ADCY9: variants seen among roughly 807,000 people sequenced by gnomAD.
The protein encoded by ADCY9 is adenylate cyclase type 9.
ADCY9 carries 50 observed loss-of-function variants against 101.5 expected under a neutral mutation model. That is an observed-to-expected ratio of 0.49 (90% CI 0.39 to 0.62). ADCY9 has a LOEUF of 0.62. Ranked by LOEUF, ADCY9 falls within the 20% of genes least tolerant of loss-of-function variation. The pLI, the probability that ADCY9 is intolerant of heterozygous loss-of-function variation, is 0.00. For synonymous variants in ADCY9, 905 were observed against 769.3 expected, an observed-to-expected ratio of 1.18 and a Z score of -2.92; for missense variants, 1,662 against 1,800.4, an observed-to-expected ratio of 0.92 and a Z score of 1.39.
In ADCY9 at chr16:3,963,143, T is replaced by TATATATTCAC; in HGVS notation, c.*2631_*2632insGTGAATATAT. The TATATATTCAC allele has an allele frequency of 6.4e-6, 1 of 157,114 alleles. No homozygotes were observed. The highest frequency in any genetic ancestry group is 1.8e-4 in the East Asian group (1 of 5,428). 9.7% of individuals were successfully genotyped at this position (157,114 alleles called of 1,614,324 possible). A position where few individuals can be genotyped will look rare whatever the true frequency, so the allele number is the denominator to read the frequency against. On this transcript the variant is annotated 3_prime_UTR_variant, in exon 11 of 11. Coordinates refer to ENST00000294016, the MANE Select transcript of ADCY9 (RefSeq NM_001116.4). ...ATATATATATATATATATATATATA[T>TATATATTCAC]GGATATATAATTCGATCTGAGCTGG...
At chr16:3,969,966 G>A (rs188009436) in intron 10 of ADCY9, among the ~76,000 whole-genome samples, 99 of 152,026 alleles carry the variant, frequency 6.5e-4, no homozygotes, top group East Asian at 2.3e-3. Flanking sequence ...TTTGTCCATC[G>A]TCCTGCCATC....
At chr16:4,041,562 AATTCAAGGAAGACTTGATTGCAGTAGC>A (rs2056626987) in intron 2 of ADCY9, among the ~76,000 whole-genome samples, 1 of 151,584 alleles carries the variant, frequency 6.6e-6, no homozygotes, top group Non-Finnish European at 1.5e-5. Flanking sequence ...TCTATTGCTA[AATTCAAGGAAGACTTGATTGCAGTAGC>A]ATTTAACTCT....
At chr16:3,985,584 A>T (rs2056185107) in intron 6 of ADCY9, among the ~76,000 whole-genome samples, 1 of 152,088 alleles carries the variant, frequency 6.6e-6, no homozygotes, top group Non-Finnish European at 1.5e-5. Context: ...CTGAGACATC[A>T]CTGCCTTGCC....
intron 2 of ADCY9, among the ~76,000 whole-genome samples, chr16:4,073,333 C>A (rs2056846756): frequency 6.6e-6 from 1 of 151,878 alleles, no homozygotes; most frequent in Non-Finnish European, 1.5e-5. Flanking sequence ...GTGATCAACT[C>A]TCCTCAGCCT....
intron 2 of ADCY9, among the ~76,000 whole-genome samples, chr16:4,033,536 C>G (rs771872239): frequency 1.3e-5 from 2 of 150,998 alleles, no homozygotes; most frequent in Non-Finnish European, 2.9e-5. Context: ...GAGGTTCAAG[C>G]GACTCCCCTG....
chr16:3,992,250 C>T lies in ADCY9; in HGVS notation c.2103G>A (p.Arg701=), dbSNP rs377766770. 1.5e-5 allele frequency: 25 copies of T among 1,614,076 alleles called. No homozygotes were observed. The highest frequency in any genetic ancestry group is 2.0e-5 in the Non-Finnish European group (24 of 1,180,042). ...SLCEILQEKG[R]WAGVSLDQSA... ...ACTGGTCCAGGCTCACCCCTGCCCA[C>T]CTTCCCTTCTCCTGCAAGATCTCAC... The change falls in exon 5 of 11, where the codon AGG becomes AGA. Residue 701 remains arginine (R), a synonymous_variant. Transcript: ENST00000294016. This position sits in a 1 kb window ranked among gnomAD's most constrained non-coding sequence, Gnocchi z 4.2.
intron 2 of ADCY9, among the ~76,000 whole-genome samples, chr16:4,077,278 G>C (rs1038534605): frequency 6.6e-6 from 1 of 151,968 alleles, no homozygotes; most frequent in African/African-American, 2.4e-5. Flanking sequence ...GTCCCCCCCC[G>C]AGGACACTTC....
rs1200203129 is a variant in ADCY9, at chr16:4,114,576, G to C, written c.867C>G (p.Gly289=). The change falls in exon 2 of 11, where the codon GGC becomes GGG. Residue 289 remains glycine, a synonymous_variant. Transcript: ENST00000294016. The surrounding 1 kb of genome is among the most constrained non-coding windows in gnomAD (Gnocchi z 4.3). ...WELLSRGLLH[G]CIHAIGVHLF... is the part of the protein sequence containing the mutation. Reference sequence around the variant, plus strand: ...GGTGGACCCCGATGGCGTGGATGCAGCCGTGGAGCAGCCCCCTGCTCAGCA... The same window carrying C: ...GGTGGACCCCGATGGCGTGGATGCACCCGTGGAGCAGCCCCCTGCTCAGCA... 2 of 1,614,018 alleles carry C rather than the reference G, an allele frequency of 1.2e-6. No individual in the cohort carries two copies. Among genetic ancestry groups the C allele is most frequent in the South Asian group, 1.1e-5 (1 of 91,086 alleles).
chr16:3,953,845 G>T (rs1031600984), intron 5 of ADCY9, among the ~76,000 whole-genome samples: 4 of 152,348 alleles, frequency 2.6e-5, no homozygotes, highest in South Asian at 4.1e-4. Flanking sequence ...CTGGCAACCT[G>T]TGGGGACAAA....
At chr16:4,102,114 G>A (rs761189187) in intron 2 of ADCY9, among the ~76,000 whole-genome samples, 1 of 152,164 alleles carries the variant, frequency 6.6e-6, no homozygotes, top group Non-Finnish European at 1.5e-5. Flanking sequence ...AGTGCAATAC[G>A]AAATGTGACT....
intron 2 of ADCY9, among the ~76,000 whole-genome samples, chr16:4,033,472 T>A (rs1221456688): frequency 6.7e-6 from 1 of 149,492 alleles, no homozygotes; most frequent in Non-Finnish European, 1.5e-5. Flanking sequence ...TCTTGCTCTG[T>A]CGCCAGGCCA....
At chr16:4,097,549 ATATATT>A (rs2057014853) in intron 2 of ADCY9, among the ~76,000 whole-genome samples, 1 of 48,238 alleles carries the variant, frequency 2.1e-5, no homozygotes, top group African/African-American at 1.1e-4. Context: ...ATATATATAT[ATATATT>A]TTTTTTTTTT....
intron 2 of ADCY9, among the ~76,000 whole-genome samples, chr16:4,109,407 C>A (rs79416188): frequency 1.3e-5 from 2 of 152,306 alleles, no homozygotes; most frequent in East Asian, 3.9e-4. Flanking sequence ...GTTTTGTTTA[C>A]GGCTGTATTG....
At position 3,993,507 on chromosome 16, in the gene ADCY9, A is replaced by T. The variant is rs2056263871; in HGVS notation, c.1888T>A (p.Cys630Ser). 6.2e-7 allele frequency: 1 copy of T among 1,613,848 alleles called. No homozygotes were observed. The highest frequency in any genetic ancestry group is 1.3e-5 in the African/African-American group (1 of 74,932). The stretch of plus-strand genomic sequence containing the variant: ...GCAAATGTGATTCCGCACGAAGGGC[A>T]GGTCTAGAAGAAAAACACAGACTGT... ...TVKTFDNLKT[C>S]PSCGITFAPK... Residue 630 changes from cysteine to serine, a missense_variant, in exon 4 of 11, where the codon TGC becomes AGC. Physicochemically the swap from Cys to Ser is moderately radical, Grantham distance 112. This residue lies in a region of ADCY9 where 624 missense variants were observed against 639.1 expected (regional missense o/e 0.98). Coordinates refer to ENST00000294016, the MANE Select transcript of ADCY9 (RefSeq NM_001116.4).
intron 2 of ADCY9, among the ~76,000 whole-genome samples, chr16:4,069,446 G>A (rs1370592187): frequency 6.6e-6 from 1 of 151,630 alleles, no homozygotes; most frequent in Non-Finnish European, 1.5e-5. Flanking sequence ...ATGAGCGAAG[G>A]CATCTCAGAC....
intron 2 of ADCY9, among the ~76,000 whole-genome samples, chr16:4,023,194 T>C (rs1192717488): frequency 6.6e-6 from 1 of 152,234 alleles, no homozygotes; most frequent in Non-Finnish European, 1.5e-5. Context: ...GAGCACCCGC[T>C]GCAGGCCACG....
chr16:4,089,516 G>A (rs892941476), intron 2 of ADCY9, among the ~76,000 whole-genome samples: 2 of 151,976 alleles, frequency 1.3e-5, no homozygotes, highest in Non-Finnish European at 2.9e-5. Flanking sequence ...TTTGGCAATT[G>A]TGGATAATGT....
At chr16:3,995,007 G>C (rs1212967602) in intron 3 of ADCY9, among the ~76,000 whole-genome samples, 2 of 152,198 alleles carry the variant, frequency 1.3e-5, no homozygotes, top group African/African-American at 2.4e-5. Flanking sequence ...ACCCTAAAAA[G>C]AGCAAAGCCT....
At chr16:3,996,388 G>A (rs185961229) in intron 3 of ADCY9, among the ~76,000 whole-genome samples, 13 of 152,214 alleles carry the variant, frequency 8.5e-5, no homozygotes, top group Admixed American at 8.5e-4. Context: ...GTATAAATAT[G>A]TATATATTTG....
Sources: allele counts gnomAD v4.1 joint callset (sites outside exome capture counted in the v4.1 genomes callset), GRCh38; gene constraint gnomAD v4.1.1; regional missense constraint gnomAD v4.1.1; non-coding constraint Gnocchi (gnomAD v3.1); transcripts MANE v1.5; gene names NCBI Gene and HGNC (gene_info 2026-07-23, HGNC 2026-07-21).